The following HEG1 variants were observed in gnomAD, a reference collection of about 807,000 sequenced individuals.
The protein encoded by HEG1 is heart development protein with EGF like domains 1.
A neutral mutation model predicts 125.6 loss-of-function variants in HEG1; 56 were observed. That is an observed-to-expected ratio of 0.45 (90% CI 0.36 to 0.56). The LOEUF (loss-of-function observed/expected upper bound fraction) is 0.56, where lower values mean the gene tolerates loss of function less well. Among genes scored for constraint, HEG1 ranks in the 20% least tolerant of loss-of-function variants. The pLI, the probability that HEG1 is intolerant of heterozygous loss-of-function variation, is 0.00. For missense variants in HEG1, 1,523 were observed against 1,670.0 expected, an observed-to-expected ratio of 0.91 and a Z score of 1.53; for synonymous variants, 644 against 668.5, an observed-to-expected ratio of 0.96 and a Z score of 0.57.
intron 1 of HEG1, among the ~76,000 whole-genome samples, chr3:125,052,124 T>C (rs1371493441): frequency 1.3e-5 from 2 of 151,910 alleles, no homozygotes; most frequent in Non-Finnish European, 2.9e-5. Context: ...GGAGAGTCCC[T>C]TGCCCCCTCC....
Position 125,034,746 on chromosome 3 carries a change from G to A in HEG1, c.317-5258C>T, listed in dbSNP as rs527934403. Among the ~76,000 whole-genome samples the A allele has an allele frequency of 4.6e-4, 70 of 152,264 alleles. 1 individual carries two copies. The highest frequency in any genetic ancestry group is 3.5e-3 in the Admixed American group (53 of 15,298). On this transcript the variant is annotated intron_variant, in intron 1 of 16. Coordinates refer to ENST00000311127, the MANE Select transcript of HEG1 (RefSeq NM_020733.2). The stretch of plus-strand genomic sequence containing the variant: ...GCCCGAGACATGGAGGTTGCAGTGA[G>A]CTGTGATTGTGCCACTGCACTCCAG...
rs1234179398 is a variant in HEG1 at position 124,969,431 on chromosome 3, T to C, written c.*1221A>G. ...GTTTCTGGAGGGTGCGACATAGCCA[T>C]ATGAAGAGGTACAAATGACTGGGTG... On this transcript the variant is annotated 3_prime_UTR_variant, in exon 17 of 17. Transcript: ENST00000311127. 2 of 152,166 alleles carry C rather than the reference T, an allele frequency of 1.3e-5. No individual in the cohort carries two copies. Among genetic ancestry groups the C allele is most frequent in the Non-Finnish European group, 2.9e-5 (2 of 68,046 alleles). 9.4% of individuals were successfully genotyped at this position (152,166 alleles called of 1,614,324 possible).
intron 14 of HEG1, among the ~76,000 whole-genome samples, chr3:124,987,557 G>A (rs1458725121): frequency 7.2e-6 from 1 of 137,952 alleles, no homozygotes; most frequent in Non-Finnish European, 1.5e-5. Context: ...GAGTCTCGCT[G>A]TGTCGCCCGG....
chr3:125,048,998 G>A (rs1294911086), intron 1 of HEG1, among the ~76,000 whole-genome samples: 1 of 152,166 alleles, frequency 6.6e-6, no homozygotes, highest in Non-Finnish European at 1.5e-5. Context: ...ACAGGGTTAG[G>A]GGATGAGAAT....
At chr3:125,014,812 C>T in intron 5 of HEG1, 1 of 1,289,858 alleles carries the variant, frequency 7.8e-7, no homozygotes, top group South Asian at 1.2e-5. Flanking sequence ...TGGTGCATGG[C>T]CGCTGCAGGG....
intron 1 of HEG1, among the ~76,000 whole-genome samples, chr3:125,031,127 G>A (rs11927058): frequency 0.67 from 101,797 of 152,020 alleles, 34,577 homozygotes; most frequent in East Asian, 0.88. Flanking sequence ...ATCAAATGCC[G>A]TTTGTCAAGG....
At chr3:124,983,283 A>G (rs1936683780) in intron 14 of HEG1, among the ~76,000 whole-genome samples, 1 of 152,162 alleles carries the variant, frequency 6.6e-6, no homozygotes, top group Non-Finnish European at 1.5e-5. Context: ...AGTTCTCTCC[A>G]TATTTTTCCT....
chr3:125,006,070 C>T (rs1937067936), intron 8 of HEG1, among the ~76,000 whole-genome samples: 1 of 152,194 alleles, frequency 6.6e-6, no homozygotes, highest in South Asian at 2.1e-4. Context: ...CTCCTTTCCC[C>T]TATAACCTCT....
At position 125,013,458 on chromosome 3, in the gene HEG1, A is replaced by G. The variant is rs1937190916; in HGVS notation, c.2121T>C (p.Asp707=). The G allele has an allele frequency of 6.2e-7, 1 of 1,613,862 alleles. No individual in the cohort carries two copies. ...GTGAGGAAGACCATGGTGTGGATGCATCAGAGGTAGACTTTAGTAGATGCA... is the reference window on the plus strand; with the variant it reads ...GTGAGGAAGACCATGGTGTGGATGCGTCAGAGGTAGACTTTAGTAGATGCA... ...ASVHLLKSTS[D]ASTPWSSSPS... Residue 707 remains aspartate, a synonymous_variant, in exon 6 of 17, where the codon GAT becomes GAC. Coordinates refer to ENST00000311127, the MANE Select transcript of HEG1 (RefSeq NM_020733.2).
At chr3:124,987,952 C>CACACACACACATATAT in intron 14 of HEG1, among the ~76,000 whole-genome samples, 1 of 54,658 alleles carries the variant, frequency 1.8e-5, no homozygotes, top group Non-Finnish European at 4.6e-5. Context: ...CACACACACA[C>CACACACACACATATAT]ATATATATAT....
At position 124,970,499 on chromosome 3, in the gene HEG1, C is replaced by T. The variant is rs1936404577; in HGVS notation, c.*153G>A. The T allele has an allele frequency of 3.2e-6, 2 of 628,436 alleles. No homozygotes were observed. Among genetic ancestry groups the T allele is most frequent in the African/African-American group, 1.8e-5 (1 of 54,354 alleles). The allele number at this position is 628,436 out of a possible 1,614,324, so 38.9% of individuals were successfully genotyped here. ...GTGGTTCCACATCCACCTGTCTCCT[C>T]CACTGTGGTCACGCCCCGCATGCCT... On this transcript the variant is annotated 3_prime_UTR_variant, in exon 17 of 17. Coordinates refer to ENST00000311127, the MANE Select transcript of HEG1 (RefSeq NM_020733.2).
chr3:124,971,381 C>A (rs1936419845), intron 16 of HEG1, among the ~76,000 whole-genome samples: 1 of 152,180 alleles, frequency 6.6e-6, no homozygotes, highest in Non-Finnish European at 1.5e-5. Flanking sequence ...GCTCAGCCAG[C>A]TATTTTTTTC....
chr3:124,987,859 GC>G (rs1183197319), intron 14 of HEG1, among the ~76,000 whole-genome samples: 3 of 149,216 alleles, frequency 2.0e-5, no homozygotes, highest in Non-Finnish European at 3.0e-5. Flanking sequence ...GATCAGGTCC[GC>G]AGGCTTGTGA....
At position 124,969,414 on chromosome 3, in the gene HEG1, A is replaced by C. The variant is rs559451744; in HGVS notation, c.*1238T>G. 6.6e-6 allele frequency: 1 copy of C among 152,316 alleles called. No individual in the cohort carries two copies. Among genetic ancestry groups the C allele is most frequent in the South Asian group, 2.1e-4 (1 of 4,824 alleles). The allele number at this position is 152,316 out of a possible 1,614,324, so 9.4% of individuals were successfully genotyped here. ...ACTGGAAGTATAACCACGTTTCTGGAGGGTGCGACATAGCCATATGAAGAG... is the reference window on the plus strand; with the variant it reads ...ACTGGAAGTATAACCACGTTTCTGGCGGGTGCGACATAGCCATATGAAGAG... On this transcript the variant is annotated 3_prime_UTR_variant, in exon 17 of 17. Transcript: ENST00000311127.
chr3:125,023,826 G>A (rs1937374336), intron 3 of HEG1, among the ~76,000 whole-genome samples: 1 of 152,186 alleles, frequency 6.6e-6, no homozygotes, highest in Non-Finnish European at 1.5e-5. Context: ...ATAATGGGAG[G>A]TTGCAAGAAT....
At chr3:124,974,860 C>G (rs1936506766) in intron 15 of HEG1, among the ~76,000 whole-genome samples, 1 of 152,132 alleles carries the variant, frequency 6.6e-6, no homozygotes, top group African/African-American at 2.4e-5. Flanking sequence ...GGGAACAGAC[C>G]TGCCACTGTG....
Position 125,027,480 on chromosome 3 carries a change from C to T in HEG1, c.638G>A (p.Ser213Asn), listed in dbSNP as rs368846730. Reference sequence around the variant, plus strand: ...AATTCTTTCATCGAACTCTGAACTGCTGGATGGCAGGTGAAGACTTTCTGA... The same window carrying T: ...AATTCTTTCATCGAACTCTGAACTGTTGGATGGCAGGTGAAGACTTTCTGA... Reference protein sequence around the residue: ...LASESLHLPSSSSEFDERIAA... With the variant: ...LASESLHLPSNSSEFDERIAA... Residue 213 changes from serine to asparagine, a missense_variant, in exon 3 of 17, where the codon AGC becomes AAC. Physicochemically the swap from Ser to Asn is conservative, Grantham distance 46. Coordinates refer to ENST00000311127, the MANE Select transcript of HEG1 (RefSeq NM_020733.2). 20 of 1,610,254 alleles carry T rather than the reference C, an allele frequency of 1.2e-5. No homozygotes were observed. The African/African-American group carries it at 2.4e-4, about 19-fold the overall frequency.
intron 1 of HEG1, among the ~76,000 whole-genome samples, chr3:125,036,549 GACAA>G (rs1937549188): frequency 6.6e-6 from 1 of 152,134 alleles, no homozygotes; most frequent in African/African-American, 2.4e-5. Flanking sequence ...AAAGTTGAAT[GACAA>G]ACAAGGGTAA....
intron 3 of HEG1, among the ~76,000 whole-genome samples, chr3:125,023,499 C>T (rs536108663): frequency 3.3e-5 from 5 of 152,010 alleles, no homozygotes; most frequent in Non-Finnish European, 5.9e-5. Flanking sequence ...AGGCATTGGG[C>T]GAAGTACATT....
Sources: allele counts gnomAD v4.1 joint callset (sites outside exome capture counted in the v4.1 genomes callset), GRCh38; gene constraint gnomAD v4.1.1; transcripts MANE v1.5; gene names NCBI Gene and HGNC (gene_info 2026-07-23, HGNC 2026-07-21).